Variants in CEP112 observed in about 807,000 individuals in gnomAD.
The protein encoded by CEP112 is centrosomal protein of 112 kDa.
A neutral mutation model predicts 153.0 loss-of-function variants in CEP112; 127 were observed. That is an observed-to-expected ratio of 0.83 (90% CI 0.72 to 0.96). CEP112 has a LOEUF of 0.96. Ranked by LOEUF, CEP112 falls within the 40% of genes least tolerant of loss-of-function variation. CEP112 has a pLI of 0.00. For synonymous variants in CEP112, 358 were observed against 374.4 expected (o/e 0.96, Z 0.51); for missense variants, 1,089 against 1,101.2 (o/e 0.99, Z 0.16).
intron 24 of CEP112, among the ~76,000 whole-genome samples, chr17:65,656,238 T>C (rs552163749): frequency 6.6e-6 from 1 of 152,338 alleles, no homozygotes; most frequent in African/African-American, 2.4e-5. Context: ...CATTCTGGAA[T>C]TGTGACAACC....
chr17:65,760,553 T>C (rs1471167172), intron 21 of CEP112, among the ~76,000 whole-genome samples: 1 of 152,200 alleles, frequency 6.6e-6, no homozygotes, highest in East Asian at 1.9e-4. Context: ...TTACATTCGC[T>C]GATTTTCAAA....
At chr17:65,919,168 T>C (rs1016983863) in intron 19 of CEP112, among the ~76,000 whole-genome samples, 2 of 152,242 alleles carry the variant, frequency 1.3e-5, no homozygotes, top group Non-Finnish European at 2.9e-5. Context: ...TGTCCTATTT[T>C]GTCTTCTTCA....
At chr17:66,118,511 A>G (rs2069412540) in intron 6 of CEP112, among the ~76,000 whole-genome samples, 1 of 152,148 alleles carries the variant, frequency 6.6e-6, no homozygotes, top group Admixed American at 6.5e-5. Flanking sequence ...TATAAAAAAG[A>G]AAATGAACTC....
At chr17:66,153,213 G>A (rs1050651035) in intron 4 of CEP112, among the ~76,000 whole-genome samples, 1 of 152,026 alleles carries the variant, frequency 6.6e-6, no homozygotes, top group Non-Finnish European at 1.5e-5. Flanking sequence ...AAAAACATAT[G>A]TCCGAATAAA....
At chr17:66,129,173 C>T (rs769619195) in intron 6 of CEP112, among the ~76,000 whole-genome samples, 6 of 152,100 alleles carry the variant, frequency 3.9e-5, no homozygotes, top group South Asian at 2.1e-4. Flanking sequence ...TCCAATGCAA[C>T]GCAGCCTGAC....
intron 24 of CEP112, among the ~76,000 whole-genome samples, chr17:65,659,971 T>C (rs1444635572): frequency 2.6e-5 from 4 of 152,038 alleles, no homozygotes; most frequent in Non-Finnish European, 5.9e-5. Context: ...GCAGGAAGCA[T>C]AGAGGTGACT....
At chr17:65,740,750 G>T (rs572640440) in intron 23 of CEP112, among the ~76,000 whole-genome samples, 2 of 152,060 alleles carry the variant, frequency 1.3e-5, no homozygotes, top group African/African-American at 4.8e-5. Context: ...AATGTATTTG[G>T]TCCCAGAAAA....
intron 23 of CEP112, among the ~76,000 whole-genome samples, chr17:65,700,356 A>C (rs2144575578): frequency 6.6e-6 from 1 of 152,324 alleles, no homozygotes; most frequent in South Asian, 2.1e-4. Flanking sequence ...AGCACTGCTA[A>C]AAAGAAGTCT....
At chr17:65,679,834 A>T (rs2047426415) in intron 24 of CEP112, among the ~76,000 whole-genome samples, 1 of 152,190 alleles carries the variant, frequency 6.6e-6, no homozygotes, top group African/African-American at 2.4e-5. Flanking sequence ...GTGGGAGGCA[A>T]ATCAACTCTT....
At chr17:65,914,785 C>T (rs1598993197) in intron 19 of CEP112, among the ~76,000 whole-genome samples, 3 of 152,104 alleles carry the variant, frequency 2.0e-5, no homozygotes, top group African/African-American at 7.2e-5. Context: ...TTCCTTTGAC[C>T]ACACACGTCC....
chr17:66,060,578 T>G (rs2066884123), intron 11 of CEP112, among the ~76,000 whole-genome samples: 1 of 152,042 alleles, frequency 6.6e-6, no homozygotes. Context: ...TAAAACAGCA[T>G]GAAGCACCCA....
chr17:66,033,332 A>G (rs2065574878), intron 12 of CEP112, among the ~76,000 whole-genome samples: 1 of 152,242 alleles, frequency 6.6e-6, no homozygotes, highest in Admixed American at 6.5e-5. Context: ...GCCAAGACAT[A>G]AGTAAAATTA....
chr17:65,829,995 A>T (rs747580733), intron 21 of CEP112, among the ~76,000 whole-genome samples: 29 of 152,238 alleles, frequency 1.9e-4, no homozygotes, highest in Non-Finnish European at 4.0e-4. Flanking sequence ...TAATCATTTC[A>T]TCACTGATAA....
chr17:65,786,075 T>C (rs770523228), intron 21 of CEP112, among the ~76,000 whole-genome samples: 1 of 152,210 alleles, frequency 6.6e-6, no homozygotes, highest in South Asian at 2.1e-4. Flanking sequence ...TTTTCATTTA[T>C]TTAGATTTTA....
At chr17:66,065,954 G>T (rs981454683) in intron 10 of CEP112, among the ~76,000 whole-genome samples, 1 of 152,070 alleles carries the variant, frequency 6.6e-6, no homozygotes, top group Admixed American at 6.6e-5. Context: ...AATGCATGGG[G>T]TATCCATTCT....
chr17:65,703,286 G>T (rs953255834), intron 23 of CEP112, among the ~76,000 whole-genome samples: 2 of 152,072 alleles, frequency 1.3e-5, no homozygotes, highest in Non-Finnish European at 2.9e-5. Context: ...GCTGAGGCGG[G>T]TGGATCATGA....
intron 11 of CEP112, among the ~76,000 whole-genome samples, chr17:66,062,204 A>T (rs1409037848): frequency 6.6e-6 from 1 of 151,190 alleles, no homozygotes. Context: ...ACAGTATGAA[A>T]ATGGACTAAT....
intron 21 of CEP112, among the ~76,000 whole-genome samples, chr17:65,759,365 G>T (rs1207678472): frequency 7.2e-5 from 11 of 152,060 alleles, no homozygotes; most frequent in Admixed American, 6.6e-4. Flanking sequence ...TCTTGCGCGA[G>T]ATCCAAGAAC....
chr17:65,938,426 AAAAAAAG>A (rs1323890555), intron 18 of CEP112, among the ~76,000 whole-genome samples: 3 of 146,798 alleles, frequency 2.0e-5, no homozygotes, highest in Non-Finnish European at 4.5e-5. Flanking sequence ...AAAAAAAAAA[AAAAAAAG>A]AAAGAAAAAA....
Sources: gnomAD v4.1 joint callset for allele counts (sites outside exome capture counted in the v4.1 genomes callset) on GRCh38, gnomAD v4.1.1 for gene constraint, MANE v1.5 for transcripts, NCBI Gene and HGNC (gene_info 2026-07-23, HGNC 2026-07-21) for gene names.